Variants in RIMS2 observed in about 807,000 individuals in gnomAD.
The protein encoded by RIMS2 is regulating synaptic membrane exocytosis 2.
A neutral mutation model predicts 174.4 loss-of-function variants in RIMS2; 59 were observed. The observed-to-expected ratio is 0.34, with a 90% CI of 0.27 to 0.42. The LOEUF (loss-of-function observed/expected upper bound fraction) is 0.42, where lower values mean the gene tolerates loss of function less well. Ranked by LOEUF, RIMS2 falls within the 10% of genes least tolerant of loss-of-function variation. RIMS2 has a pLI of 1.00. For missense variants in RIMS2, 1,620 were observed against 1,666.3 expected, an observed-to-expected ratio of 0.97 and a Z score of 0.48; for synonymous variants, 606 against 572.5, an observed-to-expected ratio of 1.06 and a Z score of -0.84.
chr8:103,866,584 A>G (rs916485862), intron 3 of RIMS2, among the ~76,000 whole-genome samples: 2 of 152,072 alleles, frequency 1.3e-5, no homozygotes, highest in Non-Finnish European at 2.9e-5. Flanking sequence ...CAATTTTGCT[A>G]CATACCTAAG....
At chr8:104,119,748 G>A (rs537133056) in intron 19 of RIMS2, among the ~76,000 whole-genome samples, 4 of 152,212 alleles carry the variant, frequency 2.6e-5, no homozygotes, top group South Asian at 2.1e-4. Context: ...CTGACGCTCC[G>A]TGAGGGCCAA....
chr8:103,628,144 C>A (rs118005888), intron 1 of RIMS2, among the ~76,000 whole-genome samples: 5,051 of 152,094 alleles, frequency 0.033, 121 homozygotes, highest in Middle Eastern at 0.068. Context: ...GGAAACAAAA[C>A]ATTAAGAGAA....
At chr8:104,088,218 A>T (rs1278287618) in intron 19 of RIMS2, among the ~76,000 whole-genome samples, 1 of 152,116 alleles carries the variant, frequency 6.6e-6, no homozygotes, top group East Asian at 1.9e-4. Flanking sequence ...CCTCAGAGAA[A>T]AAGTACCTGC....
intron 3 of RIMS2, among the ~76,000 whole-genome samples, chr8:103,880,150 C>G (rs1486236266): frequency 1.3e-5 from 2 of 151,624 alleles, no homozygotes; most frequent in Non-Finnish European, 3.0e-5. Context: ...TATTACTATA[C>G]ATTTTATGGT....
intron 3 of RIMS2, among the ~76,000 whole-genome samples, chr8:103,805,777 A>G (rs1017892737): frequency 1.3e-5 from 2 of 151,628 alleles, no homozygotes; most frequent in African/African-American, 4.8e-5. Context: ...TTCCTCATTG[A>G]TATTTTCAAA....
intron 19 of RIMS2, among the ~76,000 whole-genome samples, chr8:104,050,310 C>T (rs2096764795): frequency 6.6e-6 from 1 of 151,996 alleles, no homozygotes; most frequent in Non-Finnish European, 1.5e-5. Flanking sequence ...ACAAGATCTC[C>T]CCTCATGGAA....
chr8:103,705,938 A>AT (rs939322474), intron 2 of RIMS2, among the ~76,000 whole-genome samples: 6 of 151,490 alleles, frequency 4.0e-5, no homozygotes, highest in Non-Finnish European at 8.8e-5. Flanking sequence ...TACTACTACC[A>AT]TTTTAAAATT....
chr8:103,733,559 A>G (rs113760168), intron 2 of RIMS2, among the ~76,000 whole-genome samples: 1 of 152,172 alleles, frequency 6.6e-6, no homozygotes. Flanking sequence ...ACTTTAGCAC[A>G]TGGTGGTGAG....
At position 104,215,215 on chromosome 8, in the gene RIMS2, C is replaced by T. The variant is rs183033855; in HGVS notation, c.3335-29701C>T. Among the ~76,000 whole-genome samples, 434 of 152,198 alleles carry T rather than the reference C, an allele frequency of 2.9e-3. 1 individual carries two copies. The highest frequency in any genetic ancestry group is 5.2e-3 in the South Asian group (25 of 4,818). ...ATAAGCAACTTATAACCATTTATAT[C>T]CACTAACATATGACTTAGTTGAACA... On this transcript the variant is annotated intron_variant, in intron 19 of 23. Coordinates refer to ENST00000504942, the Ensembl canonical transcript of RIMS2.
chr8:103,749,449 T>A (rs1371025648), intron 2 of RIMS2, among the ~76,000 whole-genome samples: 1 of 152,164 alleles, frequency 6.6e-6, no homozygotes, highest in East Asian at 1.9e-4. Context: ...CTCTTTCTTT[T>A]CATTTTTTAA....
At chr8:104,199,024 G>A (rs1462545809) in intron 19 of RIMS2, among the ~76,000 whole-genome samples, 1 of 150,330 alleles carries the variant, frequency 6.7e-6, no homozygotes, top group East Asian at 2.0e-4. Flanking sequence ...ATTATGGAGG[G>A]AGGCTTAAAA....
intron 17 of RIMS2, among the ~76,000 whole-genome samples, chr8:103,990,767 A>G (rs17239114): frequency 0.2 from 30,877 of 151,960 alleles, 3,467 homozygotes; most frequent in Non-Finnish European, 0.24. Flanking sequence ...AAATGATGAG[A>G]GAGAAAATTC....
intron 3 of RIMS2, among the ~76,000 whole-genome samples, chr8:103,792,941 T>C (rs372052850): frequency 6.6e-6 from 1 of 152,104 alleles, no homozygotes; most frequent in Admixed American, 6.5e-5. Flanking sequence ...CAATAATTAA[T>C]AGCCTACCAA....
At chr8:104,107,221 T>G (rs1227898328) in intron 19 of RIMS2, among the ~76,000 whole-genome samples, 1 of 152,178 alleles carries the variant, frequency 6.6e-6, no homozygotes, top group African/African-American at 2.4e-5. Context: ...TGGCTTCTGG[T>G]TTCTTTTTGA....
chr8:103,871,177 G>A (rs1164330035), intron 3 of RIMS2, among the ~76,000 whole-genome samples: 1 of 152,200 alleles, frequency 6.6e-6, no homozygotes, highest in African/African-American at 2.4e-5. Flanking sequence ...GGGAGGCCGA[G>A]GTGGATGGAT....
chr8:103,949,871 A>T (rs1004947945), intron 14 of RIMS2, among the ~76,000 whole-genome samples: 2 of 152,154 alleles, frequency 1.3e-5, no homozygotes, highest in African/African-American at 4.8e-5. Flanking sequence ...TTATCAATAT[A>T]ATTGATAAGC....
intron 19 of RIMS2, chr8:104,094,777 T>A: frequency 1.7e-6 from 1 of 591,314 alleles, no homozygotes. Flanking sequence ...TGTAGTCTTT[T>A]TTACCATTCC....
chr8:103,667,002 C>T (rs145956267), intron 1 of RIMS2, among the ~76,000 whole-genome samples: 1 of 152,248 alleles, frequency 6.6e-6, no homozygotes, highest in African/African-American at 2.4e-5. Flanking sequence ...TGAGAGAATA[C>T]AGTGCACCAG....
At chr8:104,151,693 C>T (rs1444603001) in intron 19 of RIMS2, among the ~76,000 whole-genome samples, 1 of 152,082 alleles carries the variant, frequency 6.6e-6, no homozygotes, top group Non-Finnish European at 1.5e-5. Context: ...ATGTCTAGAA[C>T]ATTTAAATAA....
Sources: gnomAD v4.1 joint callset for allele counts (sites outside exome capture counted in the v4.1 genomes callset) on GRCh38, gnomAD v4.1.1 for gene constraint, MANE v1.5 for transcripts, NCBI Gene and HGNC (gene_info 2026-07-23, HGNC 2026-07-21) for gene names.